HMCN1: variants seen among roughly 807,000 people sequenced by gnomAD.
The protein encoded by HMCN1 is hemicentin-1.
In HMCN1, 321 loss-of-function variants were observed where a neutral mutation model predicts 625.9. The observed-to-expected ratio is 0.51, with a 90% CI of 0.47 to 0.56. The LOEUF is 0.56. HMCN1 is among the 20% of genes least tolerant of loss of function. HMCN1 has a pLI of 0.00. For missense variants in HMCN1, 6,588 were observed against 6,887.3 expected (o/e 0.96, Z 1.54); for synonymous variants, 2,425 against 2,417.6 (o/e 1.00, Z -0.09).
intron 85 of HMCN1, 149 bp downstream of exon 85, chr1:186,130,846 G>T (rs1283773512): frequency 1.9e-5 from 15 of 805,592 alleles, no homozygotes; most frequent in Non-Finnish European, 3.1e-5. Context: ...ACTGAAACAA[G>T]GATTGAAATA....
At chr1:185,823,262 A>T (rs1463580676) in intron 1 of HMCN1, among the ~76,000 whole-genome samples, 1 of 152,152 alleles carries the variant, frequency 6.6e-6, no homozygotes, top group Middle Eastern at 3.2e-3. Flanking sequence ...CTTGAGAAAG[A>T]TCATTTTCTG....
At chr1:186,071,847 CAAAT>C (rs982099772) in intron 52 of HMCN1, among the ~76,000 whole-genome samples, 50 of 152,258 alleles carry the variant, frequency 3.3e-4, no homozygotes, top group African/African-American at 1.2e-3. Flanking sequence ...TACTTGGAAA[CAAAT>C]AATCCCTTTC....
chr1:185,959,431 AAT>A (rs1196754112), intron 11 of HMCN1, among the ~76,000 whole-genome samples: 1 of 152,158 alleles, frequency 6.6e-6, no homozygotes, highest in Non-Finnish European at 1.5e-5. Context: ...TAAGATACCC[AAT>A]TCTTAAAGTA....
intron 36 of HMCN1, among the ~76,000 whole-genome samples, chr1:186,035,846 A>G (rs193203960): frequency 3.6e-4 from 55 of 152,270 alleles, no homozygotes; most frequent in African/African-American, 1.3e-3. Flanking sequence ...CAAATCCCCA[A>G]ACACACACAT....
rs779419833 is a variant in HMCN1, at chr1:186,182,243, G to A, written c.16370G>A (p.Cys5457Tyr). The A allele has an allele frequency of 6.2e-7, 1 of 1,613,478 alleles. No individual in the cohort carries two copies. Among genetic ancestry groups the A allele is most frequent in the Non-Finnish European group, 8.5e-7 (1 of 1,179,516 alleles). Residue 5457 changes from cysteine (C) to tyrosine (Y), a missense_variant, in exon 105 of 107, where the codon TGC becomes TAC. Cys to Tyr is a radical substitution (Grantham distance 194). Around this residue, in one of 3 missense-constraint regions of HMCN1, gnomAD observed 1,954 missense variants for 2,013.1 expected, o/e 0.97. Transcript: ENST00000271588. ...ACCTTTGGAAGTTATCAGTGCATCT[G>A]CCCACCTGGCTATCAACTCACACAC... Reference protein sequence around the residue: ...KNTFGSYQCICPPGYQLTHNG... With the variant: ...KNTFGSYQCIYPPGYQLTHNG...
At chr1:186,141,023 G>A (rs1649921956) in intron 89 of HMCN1, among the ~76,000 whole-genome samples, 1 of 152,152 alleles carries the variant, frequency 6.6e-6, no homozygotes, top group African/African-American at 2.4e-5. Context: ...CCCTGAGCAT[G>A]TTTTCCTGCA....
chr1:186,103,590 A>C lies in HMCN1; in HGVS notation c.10692A>C (p.Lys3564Asn). 1 of 1,613,976 alleles carries C rather than the reference A, an allele frequency of 6.2e-7. No homozygotes were observed. Among genetic ancestry groups the C allele is most frequent in the Non-Finnish European group, 8.5e-7 (1 of 1,179,888 alleles). Residue 3564 changes from lysine (K) to asparagine (N), a missense_variant, in exon 69 of 107, where the codon AAA (lysine) becomes AAC (asparagine). Coordinates refer to ENST00000271588, the MANE Select transcript of HMCN1 (RefSeq NM_031935.3). Reference sequence around the variant, plus strand: ...CAGCCCCTAAAATGACCTGGATGAAAGATGGCCGGCCCCTTCCACAGACGG... The same window carrying C: ...CAGCCCCTAAAATGACCTGGATGAACGATGGCCGGCCCCTTCCACAGACGG... ...GIPAPKMTWM[K>N]DGRPLPQTDQ...
At position 186,137,535 on chromosome 1, in the gene HMCN1, C is replaced by T; in HGVS notation, c.13620C>T (p.Ala4540=). The T allele has an allele frequency of 6.2e-7, 1 of 1,613,762 alleles. No homozygotes were observed. Among genetic ancestry groups the T allele is most frequent in the Non-Finnish European group, 8.5e-7 (1 of 1,179,898 alleles). ...GGFSQWSAWR[A]CSVTCGKGIQ... ...TTTCCCAGTGGTCTGCATGGAGAGC[C>T]TGCAGTGTCACCTGTGGAAAAGGCA... Residue 4540 remains alanine, a synonymous_variant, in exon 88 of 107, where the codon GCC becomes GCT. Transcript: ENST00000271588.
chr1:185,961,927 G>A (rs1650051335), intron 11 of HMCN1, among the ~76,000 whole-genome samples: 1 of 152,122 alleles, frequency 6.6e-6, no homozygotes, highest in Admixed American at 6.6e-5. Context: ...TACAGTTTAG[G>A]AAACTGCATT....
At chr1:186,099,236 A>G (rs1202935268) in intron 68 of HMCN1, among the ~76,000 whole-genome samples, 1 of 152,136 alleles carries the variant, frequency 6.6e-6, no homozygotes, top group Admixed American at 6.6e-5. Flanking sequence ...TAATTACACA[A>G]TGTATACATG....
At chr1:185,984,504 C>T (rs1571664069) in intron 19 of HMCN1, among the ~76,000 whole-genome samples, 191 bp downstream of exon 19, 1 of 152,158 alleles carries the variant, frequency 6.6e-6, no homozygotes, top group East Asian at 1.9e-4. Context: ...CACAAAAAGA[C>T]ATTCTTGGGA....
At chr1:186,023,596 G>A (rs1187192094) in intron 36 of HMCN1, among the ~76,000 whole-genome samples, 3 of 152,108 alleles carry the variant, frequency 2.0e-5, no homozygotes, top group Non-Finnish European at 4.4e-5. Context: ...GGTGGCCACA[G>A]AGCACCTCAA....
In HMCN1 at chr1:186,087,511, G is replaced by A. The variant is rs1659573519; in HGVS notation, c.9229G>A (p.Val3077Met). ...SVVNVREGTS[V>M]SLECESNAVP... Reference sequence around the variant, plus strand: ...AGTTAATGTAAGAGAGGGAACTTCTGTGTCTTTGGAGTGTGAGTCGAACGC... The same window carrying A: ...AGTTAATGTAAGAGAGGGAACTTCTATGTCTTTGGAGTGTGAGTCGAACGC... Residue 3077 changes from valine (V) to methionine (M), a missense_variant, in exon 60 of 107, where the codon GTG (valine) becomes ATG (methionine). Transcript: ENST00000271588. 1 of 1,613,368 alleles carries A rather than the reference G, an allele frequency of 6.2e-7. No individual in the cohort carries two copies. The highest frequency in any genetic ancestry group is 8.5e-7 in the Non-Finnish European group (1 of 1,179,530).
At chr1:185,910,218 G>A (rs1248692099) in intron 5 of HMCN1, among the ~76,000 whole-genome samples, 1 of 151,988 alleles carries the variant, frequency 6.6e-6, no homozygotes, top group Non-Finnish European at 1.5e-5. Context: ...TTTATAAATA[G>A]GGAAGGGGAT....
intron 71 of HMCN1, among the ~76,000 whole-genome samples, chr1:186,111,730 T>C (rs1660898257): frequency 6.6e-6 from 1 of 152,228 alleles, no homozygotes; most frequent in African/African-American, 2.4e-5. Context: ...AAATATTTTT[T>C]ATAGAACTTA....
chr1:186,033,958 A>T (rs61829959), intron 36 of HMCN1, among the ~76,000 whole-genome samples: 36,552 of 152,064 alleles, frequency 0.24, 4,816 homozygotes, highest in Non-Finnish European at 0.29. Flanking sequence ...GCATCCTGCC[A>T]AATTTTCATA....
chr1:185,858,731 A>G (rs1218060203), intron 2 of HMCN1, among the ~76,000 whole-genome samples: 1 of 148,708 alleles, frequency 6.7e-6, no homozygotes, highest in Admixed American at 6.9e-5. Flanking sequence ...GATTACAGAT[A>G]TGAGCCACCA....
intron 10 of HMCN1, among the ~76,000 whole-genome samples, chr1:185,933,068 A>T (rs1412685325): frequency 6.6e-6 from 1 of 151,936 alleles, no homozygotes; most frequent in Non-Finnish European, 1.5e-5. Context: ...TTGAACATTT[A>T]TCTTACTCTT....
Position 186,062,503 on chromosome 1 carries a change from T to C in HMCN1, c.7427-11T>C. 3.2e-6 allele frequency: 5 copies of C among 1,547,508 alleles called. No homozygotes were observed. Among genetic ancestry groups the C allele is most frequent in the Middle Eastern group, 1.7e-4 (1 of 5,932 alleles). On this transcript the variant is annotated splice_polypyrimidine_tract_variant and intron_variant, in intron 47 of 106. Coordinates refer to ENST00000271588, the MANE Select transcript of HMCN1 (RefSeq NM_031935.3). Reference sequence around the variant, plus strand: ...AAGAGCTGTTATTTTGTTGTTGTTGTTGTTTTTTAGTACCACCTCATATTG... The same window carrying C: ...AAGAGCTGTTATTTTGTTGTTGTTGCTGTTTTTTAGTACCACCTCATATTG...
Sources: gnomAD v4.1 joint callset for allele counts (sites outside exome capture counted in the v4.1 genomes callset) on GRCh38, gnomAD v4.1.1 for gene constraint, gnomAD v4.1.1 regional missense constraint, MANE v1.5 for transcripts, NCBI Gene and HGNC (gene_info 2026-07-23, HGNC 2026-07-21) for gene names.